ALAS2: variants seen among roughly 807,000 people sequenced by gnomAD.
The protein encoded by ALAS2 is 5-aminolevulinate synthase, erythroid-specific, mitochondrial.
In ALAS2, 3 loss-of-function variants were observed where a neutral mutation model predicts 33.7. The observed-to-expected ratio is 0.09, with a 90% CI of 0.04 to 0.23. The LOEUF (loss-of-function observed/expected upper bound fraction) is 0.23. ALAS2 is among the 10% of genes least tolerant of loss of function. The pLI, the probability that ALAS2 is intolerant of heterozygous loss-of-function variation, is 1.00. For missense variants in ALAS2, 304 were observed against 475.1 expected (o/e 0.64, Z 3.35); for synonymous variants, 191 against 177.3 (o/e 1.08, Z -0.61).
At chrX:55,026,639 G>A (rs1935897192) in intron 1 of ALAS2, among the ~76,000 whole-genome samples, 2 of 111,853 alleles carry the variant, frequency 1.8e-5, no homozygotes, top group African/African-American at 6.5e-5. Flanking sequence ...ATTTGCTCCT[G>A]TCTCTTGGAT....
At position 55,019,069 on chromosome X, in the gene ALAS2, G is replaced by C. The variant is rs1022126025; in HGVS notation, c.823+1251C>G. 1.8e-5 allele frequency among the ~76,000 whole-genome samples: 2 copies of C among 111,446 alleles called. 1 individual carries two copies. Among genetic ancestry groups the C allele is most frequent in the Non-Finnish European group, 3.8e-5 (2 of 53,151 alleles). ...TCAGCAGGAGGTGAGGAAGTAGATAGTAAGAGCGAAGACTTCTCTCAAGCA... is the reference window on the plus strand; with the variant it reads ...TCAGCAGGAGGTGAGGAAGTAGATACTAAGAGCGAAGACTTCTCTCAAGCA... On this transcript the variant is annotated intron_variant, in intron 6 of 10. Coordinates refer to ENST00000650242, the MANE Select transcript of ALAS2 (RefSeq NM_000032.5).
intron 6 of ALAS2, among the ~76,000 whole-genome samples, chrX:55,019,170 A>G (rs1331420024): frequency 9.0e-6 from 1 of 111,038 alleles, no homozygotes; most frequent in Admixed American, 9.6e-5. Context: ...TTTTTATAAG[A>G]TACAAGAGAC....
intron 10 of ALAS2, among the ~76,000 whole-genome samples, chrX:55,012,877 G>A (rs1437376301): frequency 5.4e-5 from 6 of 111,685 alleles, no homozygotes; most frequent in Non-Finnish European, 1.1e-4. Flanking sequence ...GACTAAACTG[G>A]CATTTTCAGG....
Position 55,025,875 on chromosome X carries a change from A to G in ALAS2, c.126T>C (p.Ala42=). Residue 42 remains alanine (A), a synonymous_variant, in exon 2 of 11, where the codon GCT becomes GCC. Transcript: ENST00000650242. ...TTTGAGAACAGTTTGGTCCTTGGGT[A>G]GCCAGGATGGGACAGCGTCCAATAC... ...LFGIGRCPIL[A]TQGPNCSQIH... 8.3e-7 allele frequency: 1 copy of G among 1,211,771 alleles called. No homozygotes were observed. The highest frequency in any genetic ancestry group is 1.1e-6 in the Non-Finnish European group (1 of 895,530).
At chrX:55,016,554 C>A (rs1278973959) in intron 7 of ALAS2, among the ~76,000 whole-genome samples, 2 of 111,657 alleles carry the variant, frequency 1.8e-5, no homozygotes, top group Non-Finnish European at 3.8e-5. Context: ...ATAGTCATTA[C>A]ATGCCACTTA....
intron 2 of ALAS2, 94 bp downstream of exon 2, chrX:55,025,726 C>T (rs1935880418): frequency 7.6e-6 from 7 of 918,903 alleles, no homozygotes; most frequent in African/African-American, 3.8e-5. Flanking sequence ...TCACATGAAC[C>T]GTCCTAATTA....
rs1935724757 is a variant in ALAS2 at position 55,017,582 on chromosome X, TGAAGACAA to T, written c.899_906del (p.Phe300Ter). ...TTTAGGTGGTCAGGGTCATTGTGCCTGAAGACAAACTTGGCTGCTCCACTGTTACGGAT... is the reference window on the plus strand; with the variant it reads ...TTTAGGTGGTCAGGGTCATTGTGCCTACTTGGCTGCTCCACTGTTACGGAT... On this transcript the variant is annotated frameshift_variant, in exon 7 of 11. Transcript: ENST00000650242. LOFTEE classifies it high-confidence loss of function. 8.3e-7 allele frequency: 1 copy of T among 1,209,419 alleles called. No individual in the cohort carries two copies. Among genetic ancestry groups the T allele is most frequent in the Non-Finnish European group, 1.1e-6 (1 of 894,942 alleles).
chrX:55,012,124 C>G (rs1234832383), intron 10 of ALAS2, among the ~76,000 whole-genome samples: 1 of 112,024 alleles, frequency 8.9e-6, no homozygotes. Flanking sequence ...CCTAGCTTGT[C>G]TTCCTTGAAT....
chrX:55,021,428 C>T (rs1199501270), intron 4 of ALAS2, among the ~76,000 whole-genome samples, 154 bp from the exon 5 acceptor site: 1 of 112,549 alleles, frequency 8.9e-6, no homozygotes, highest in Non-Finnish European at 1.9e-5. Context: ...CACATTAACT[C>T]TCTACTACTT....
At chrX:55,018,364 AG>A (rs1935740147) in intron 6 of ALAS2, among the ~76,000 whole-genome samples, 1 of 111,495 alleles carries the variant, frequency 9.0e-6, no homozygotes, top group African/African-American at 3.3e-5. Context: ...ACTGCCATCA[AG>A]GAACTGTGGC....
At position 55,021,043 on chromosome X, in the gene ALAS2, A is replaced by G. The variant is rs748740832; in HGVS notation, c.638+9T>C. The G allele has an allele frequency of 2.5e-6, 3 of 1,203,054 alleles. No homozygotes were observed. Among genetic ancestry groups the G allele is most frequent in the Non-Finnish European group, 2.2e-6 (2 of 889,152 alleles). The stretch of plus-strand genomic sequence containing the variant: ...GGCCACTGCTGATGGCTGAAAGCCT[A>G]CTACTCACTGTGTGGCTTGCAAGAC... On this transcript the variant is annotated intron_variant, in intron 5 of 10. Transcript: ENST00000650242.
Position 55,015,566 on chromosome X carries a change from G to T in ALAS2, c.1168+12C>A. On this transcript the variant is annotated intron_variant, in intron 8 of 10. Coordinates refer to ENST00000650242, the MANE Select transcript of ALAS2 (RefSeq NM_000032.5). Reference sequence around the variant, plus strand: ...TGGAGGGTATATAAGAAGGCCCAAAGCATTCACTTACCAAGAGTTCCAGAG... The same window carrying T: ...TGGAGGGTATATAAGAAGGCCCAAATCATTCACTTACCAAGAGTTCCAGAG... The T allele has an allele frequency of 8.3e-7, 1 of 1,210,776 alleles. No homozygotes were observed.
intron 6 of ALAS2, among the ~76,000 whole-genome samples, chrX:55,019,982 T>A (rs1270888797): frequency 1.8e-5 from 2 of 111,493 alleles, no homozygotes; most frequent in East Asian, 5.6e-4. Flanking sequence ...GTCAGAGGTT[T>A]TAGAAGAGGA....
intron 10 of ALAS2, among the ~76,000 whole-genome samples, chrX:55,013,152 T>C (rs1327590198): frequency 1.8e-5 from 2 of 111,749 alleles, no homozygotes; most frequent in Non-Finnish European, 3.8e-5. Flanking sequence ...TCAGCTCAGG[T>C]GTCACCTCTA....
At chrX:55,020,595 A>G in intron 5 of ALAS2, 91 bp from the exon 6 acceptor site, 1 of 880,958 alleles carries the variant, frequency 1.1e-6, no homozygotes, top group Admixed American at 2.7e-5. Context: ...GATGGGAGTC[A>G]ATGTTGAGTT....
chrX:55,024,926 T>C (rs1387210719), intron 2 of ALAS2, 86 bp from the exon 3 acceptor site: 2 of 1,115,960 alleles, frequency 1.8e-6, no homozygotes, highest in African/African-American at 3.6e-5. Context: ...AATGTACCCC[T>C]AAAGCCCTAT....
At chrX:55,030,382 A>T (rs1484563538) in intron 1 of ALAS2, among the ~76,000 whole-genome samples, 2 of 110,278 alleles carry the variant, frequency 1.8e-5, no homozygotes, top group Non-Finnish European at 3.8e-5. Context: ...CATTCCCATC[A>T]CCCCCACATC....
At chrX:55,015,457 C>T in intron 8 of ALAS2, 121 bp downstream of exon 8, 1 of 821,256 alleles carries the variant, frequency 1.2e-6, no homozygotes, top group Non-Finnish European at 1.8e-6. Context: ...AGGATGGCAG[C>T]AGCCTGGGGC....
chrX:55,016,966 C>G (rs1166742522), intron 7 of ALAS2, among the ~76,000 whole-genome samples: 2 of 111,926 alleles, frequency 1.8e-5, no homozygotes, highest in African/African-American at 6.5e-5. Context: ...ATGCTTCATA[C>G]TGGACCTTGA....
Sources: allele counts gnomAD v4.1 joint callset (sites outside exome capture counted in the v4.1 genomes callset), GRCh38; gene constraint gnomAD v4.1.1; transcripts MANE v1.5; gene names NCBI Gene and HGNC (gene_info 2026-07-23, HGNC 2026-07-21).